Variants in BPIFB6 observed in about 807,000 individuals in gnomAD.
BPIFB6 encodes the protein BPI fold containing family B member 6, also known as BPI fold-containing family B member 6.
In BPIFB6, 47 loss-of-function variants were observed where a neutral mutation model predicts 54.7. The observed-to-expected ratio is 0.86, with a 90% CI of 0.68 to 1.10. The LOEUF is 1.10. Ranked by LOEUF, BPIFB6 falls within the 50% of genes least tolerant of loss-of-function variation. The pLI, the probability that BPIFB6 is intolerant of heterozygous loss-of-function variation, is 0.00. For missense variants in BPIFB6, 603 were observed against 564.1 expected (o/e 1.07, Z -0.70); for synonymous variants, 255 against 225.9 (o/e 1.13, Z -1.16).
intron 2 of BPIFB6, 101 bp from the exon 3 acceptor site, chr20:33,034,085 C>A: frequency 1.2e-6 from 1 of 819,058 alleles, no homozygotes. Context: ...GATAGGAGGC[C>A]GGGGTTATCG....
At chr20:33,033,797 A>G (rs148994949) in intron 2 of BPIFB6, among the ~76,000 whole-genome samples, 1 of 152,348 alleles carries the variant, frequency 6.6e-6, no homozygotes, top group African/African-American at 2.4e-5. Context: ...TTAGACATCC[A>G]ATAATGCACA....
intron 1 of BPIFB6, 118 bp downstream of exon 1, chr20:33,031,862 T>C: frequency 1.3e-6 from 1 of 763,362 alleles, no homozygotes; most frequent in East Asian, 2.7e-5. Context: ...AGTAAACTTA[T>C]AAGCAAGTGT....
intron 2 of BPIFB6, 58 bp from the exon 3 acceptor site, chr20:33,034,128 G>A: frequency 8.2e-7 from 1 of 1,223,258 alleles, no homozygotes; most frequent in Non-Finnish European, 1.2e-6. Context: ...GAAGTGGGTG[G>A]AGGTCCTGGG....
intron 13 of BPIFB6, among the ~76,000 whole-genome samples, 189 bp downstream of exon 13, chr20:33,043,067 C>T (rs1979658954): frequency 6.6e-6 from 1 of 152,234 alleles, no homozygotes; most frequent in Non-Finnish European, 1.5e-5. Context: ...ACAAATGCCT[C>T]TCCCACAATT....
At chr20:33,039,070 T>C in intron 9 of BPIFB6, 108 bp downstream of exon 9, 1 of 1,267,792 alleles carries the variant, frequency 7.9e-7, no homozygotes, top group Non-Finnish European at 1.1e-6. Context: ...ACATATTCCT[T>C]GTCCAATGCT....
Position 33,044,044 on chromosome 20 carries a change from C to T in BPIFB6, c.1359C>T (p.Gly453=), listed in dbSNP as rs376181173. 1.3e-5 allele frequency: 21 copies of T among 1,614,062 alleles called. No individual in the cohort carries two copies. The highest frequency in any genetic ancestry group is 1.7e-5 in the Non-Finnish European group (20 of 1,180,042). ...CCCTGATGCTGGACTTGAAGCTGGG[C>T]TGACCATGGCAGGACTCCCCTGCCA... ...ENALMLDLKL[G] is the part of the protein sequence containing the mutation. The change falls in exon 15 of 15, where the codon GGC becomes GGT. Residue 453 remains glycine (G), a synonymous_variant. Transcript: ENST00000349552.
At position 33,038,925 on chromosome 20, in the gene BPIFB6, C is replaced by A. The variant is rs773873194; in HGVS notation, c.863C>A (p.Pro288Gln). ...IQDTMIGELPPQTTKTLARFI... is the reference protein window; with the variant it reads ...IQDTMIGELPQQTTKTLARFI... ...ATTCTGTAGATTGGTGAGCTGCCCC[C>A]ACAAACCACCAAGACCCTGGCTCGC... Residue 288 changes from proline to glutamine, a missense_variant, in exon 9 of 15, where the codon CCA (proline) becomes CAA (glutamine). Pro to Gln is a moderately conservative substitution (Grantham distance 76, BLOSUM62 -1). Transcript: ENST00000349552. 5.6e-6 allele frequency: 9 copies of A among 1,614,114 alleles called. No homozygotes were observed. In the South Asian group the frequency reaches 6.6e-5, roughly 12 times the overall value.
intron 11 of BPIFB6, among the ~76,000 whole-genome samples, chr20:33,040,895 T>C (rs1444113479): frequency 2.0e-5 from 3 of 152,188 alleles, no homozygotes; most frequent in Non-Finnish European, 4.4e-5. Flanking sequence ...CAGGATTCTT[T>C]CCGTTGCAAG....
In BPIFB6 at chr20:33,037,648, C is replaced by T. The variant is rs752159573; in HGVS notation, c.756C>T (p.Gly252=). 1 of 1,614,144 alleles carries T rather than the reference C, an allele frequency of 6.2e-7. No individual in the cohort carries two copies. The highest frequency in any genetic ancestry group is 8.5e-7 in the Non-Finnish European group (1 of 1,180,032). Residue 252 remains glycine, a synonymous_variant, in exon 8 of 15, where the codon GGC becomes GGT. Transcript: ENST00000349552. The part of the protein sequence containing the change: ...ALTFPEGYAK[G]SSQLLLPATF... The stretch of plus-strand genomic sequence containing the variant: ...CGTTCCCTGAGGGTTATGCCAAAGG[C>T]TCGTCGCAGCTGCTGCTCCCAGCCA...
chr20:33,032,941 T>C (rs1424893334), intron 1 of BPIFB6, 43 bp from the exon 2 acceptor site: 5 of 1,515,408 alleles, frequency 3.3e-6, no homozygotes, highest in Admixed American at 1.7e-5. Context: ...ACCTGAGTGA[T>C]TGGCCCAGGG....
intron 8 of BPIFB6, among the ~76,000 whole-genome samples, chr20:33,038,642 A>T (rs1445109425): frequency 6.6e-6 from 1 of 152,122 alleles, no homozygotes; most frequent in Non-Finnish European, 1.5e-5. Flanking sequence ...TACCCATCAC[A>T]TCTACCCATT....
At chr20:33,035,018 C>T (rs1291107854) in intron 4 of BPIFB6, 63 bp from the exon 5 acceptor site, 2 of 1,609,692 alleles carry the variant, frequency 1.2e-6, no homozygotes, top group African/African-American at 2.7e-5. Context: ...CCTTCATGTC[C>T]TGTGCCTAAA....
rs186157295 is a variant in BPIFB6 at position 33,043,031 on chromosome 20, A to G, written c.1252+153A>G. Among the ~76,000 whole-genome samples the G allele has an allele frequency of 7.9e-5, 12 of 152,378 alleles. No homozygotes were observed. The East Asian group carries it at 1.7e-3, about 22-fold the overall frequency. ...TAATTGCTGAATCTTTGAAGTGAATATAGTCTTAATGTCACCTGTCTGAAG... is the reference window on the plus strand; with the variant it reads ...TAATTGCTGAATCTTTGAAGTGAATGTAGTCTTAATGTCACCTGTCTGAAG... On this transcript the variant is annotated intron_variant, in intron 13 of 14. Coordinates refer to ENST00000349552, the MANE Select transcript of BPIFB6 (RefSeq NM_174897.2).
intron 12 of BPIFB6, 129 bp downstream of exon 12, chr20:33,042,144 C>A: frequency 2.3e-6 from 2 of 879,670 alleles, no homozygotes; most frequent in Non-Finnish European, 1.8e-6. Flanking sequence ...TGAGGCGTGG[C>A]GCACCTGACT....
rs182672604 is a variant in BPIFB6, at chr20:33,041,071, G to T, written c.1142+753G>T. 1.5e-4 allele frequency among the ~76,000 whole-genome samples: 22 copies of T among 147,450 alleles called. No individual in the cohort carries two copies. In the East Asian group the frequency reaches 4.5e-3, roughly 30 times the overall value. On this transcript the variant is annotated intron_variant, in intron 11 of 14. Coordinates refer to ENST00000349552, the MANE Select transcript of BPIFB6 (RefSeq NM_174897.2). ...GTGGCGCAATCTCGGCTCACTGCAA[G>T]CTCCGCCTCCCGGGTTCATGCCATT...
At chr20:33,035,244 A>G in intron 5 of BPIFB6, 100 bp downstream of exon 5, 1 of 1,255,242 alleles carries the variant, frequency 8.0e-7, no homozygotes, top group Non-Finnish European at 1.1e-6. Flanking sequence ...TGATTGACTG[A>G]TAGTGGCTGG....
chr20:33,040,174 G>A (rs763746717), intron 10 of BPIFB6, 77 bp from the exon 11 acceptor site: 3 of 1,288,484 alleles, frequency 2.3e-6, no homozygotes, highest in Non-Finnish European at 3.4e-6. Context: ...TGCTGGGAGG[G>A]TGGTGGTCTC....
Position 33,037,600 on chromosome 20 carries a change from T to A in BPIFB6, c.708T>A (p.Leu236=). 1.2e-6 allele frequency: 2 copies of A among 1,613,938 alleles called. No individual in the cohort carries two copies. Among genetic ancestry groups the A allele is most frequent in the Non-Finnish European group, 1.7e-6 (2 of 1,179,884 alleles). ...VQQQKGKTIK[L]ADAGEALTFP... Reference sequence around the variant, plus strand: ...AGCAAAAGGGCAAAACCATCAAGCTTGCTGATGCCGGGGAGGCCCTCACGT... The same window carrying A: ...AGCAAAAGGGCAAAACCATCAAGCTAGCTGATGCCGGGGAGGCCCTCACGT... The change falls in exon 8 of 15, where the codon CTT becomes CTA. Residue 236 remains leucine (L), a synonymous_variant. Transcript: ENST00000349552.
At chr20:33,035,341 T>G (rs1367750461) in intron 5 of BPIFB6, among the ~76,000 whole-genome samples, 197 bp downstream of exon 5, 2 of 152,012 alleles carry the variant, frequency 1.3e-5, no homozygotes, top group African/African-American at 4.8e-5. Flanking sequence ...GAGGAGAAAA[T>G]GACAGCCTGC....
Sources: gnomAD v4.1 joint callset for allele counts (sites outside exome capture counted in the v4.1 genomes callset) on GRCh38, gnomAD v4.1.1 for gene constraint, MANE v1.5 for transcripts, NCBI Gene and HGNC (gene_info 2026-07-23, HGNC 2026-07-21) for gene names.